DLL4: variants seen among roughly 807,000 people sequenced by gnomAD.
DLL4 encodes the protein delta like canonical Notch ligand 4, also known as delta-like protein 4.
A neutral mutation model predicts 73.6 loss-of-function variants in DLL4; 7 were observed. That is an observed-to-expected ratio of 0.10 (90% confidence interval 0.05 to 0.18). DLL4 has a LOEUF of 0.18. Among genes scored for constraint, DLL4 ranks in the 10% least tolerant of loss-of-function variants. DLL4 has a pLI of 1.00. For missense variants in DLL4, 614 were observed against 929.9 expected, an observed-to-expected ratio of 0.66 and a Z score of 4.42; for synonymous variants, 345 against 374.3, an observed-to-expected ratio of 0.92 and a Z score of 0.90.
chr15:40,930,758 G>A lies in DLL4; in HGVS notation c.394+76G>A. 2 of 1,470,634 alleles carry A rather than the reference G, an allele frequency of 1.4e-6. No homozygotes were observed. Among genetic ancestry groups the A allele is most frequent in the Non-Finnish European group, 1.9e-6 (2 of 1,064,674 alleles). The allele number at this position is 1,470,634 out of a possible 1,614,324, so 91.1% of individuals were successfully genotyped here. On this transcript the variant is annotated intron_variant, in intron 3 of 10. Transcript: ENST00000249749. This position sits in a 1 kb window ranked among gnomAD's most constrained non-coding sequence, Gnocchi z 5.7. Reference sequence around the variant, plus strand: ...AAGAGTTAATCTGTTCTAGGCGGGGGAAGTGCGGGCTTGGGGGTGGGAGGC... The same window carrying A: ...AAGAGTTAATCTGTTCTAGGCGGGGAAAGTGCGGGCTTGGGGGTGGGAGGC...
At chr15:40,937,218 C>T (rs1019611280) in intron 9 of DLL4, among the ~76,000 whole-genome samples, 200 bp from the exon 10 acceptor site, 2 of 152,188 alleles carry the variant, frequency 1.3e-5, no homozygotes, top group Non-Finnish European at 2.9e-5. Flanking sequence ...TCAGACCCTT[C>T]TGGTGAGGTT....
chr15:40,934,906 G>A lies in DLL4; in HGVS notation c.1029G>A (p.Glu343=), dbSNP rs759716115. The A allele has an allele frequency of 9.9e-6, 16 of 1,613,534 alleles. 1 individual carries two copies. The South Asian group carries it at 1.8e-4, about 18-fold the overall frequency. Residue 343 remains glutamate (E), a synonymous_variant, in exon 8 of 11, where the codon GAG becomes GAA. Coordinates refer to ENST00000249749, the MANE Select transcript of DLL4 (RefSeq NM_019074.4). ...CRNGGSCKDQ[E]DGYHCLCPPG... ...TTATGGTCTCTCTCCAGGACCAGGA[G>A]GATGGCTACCACTGCCTGTGTCCTC...
chr15:40,932,292 A>G (rs973302193), intron 5 of DLL4, 25 bp from the exon 6 acceptor site: 3 of 1,613,594 alleles, frequency 1.9e-6, no homozygotes, highest in African/African-American at 1.3e-5. Context: ...CTCTCACCTC[A>G]CTCTGCCTCT....
intron 10 of DLL4, 61 bp downstream of exon 10, chr15:40,937,587 C>T: frequency 1.6e-6 from 2 of 1,249,146 alleles, no homozygotes; most frequent in Admixed American, 1.7e-5. Flanking sequence ...CCTGGTCACT[C>T]TTGACCCATG....
intron 4 of DLL4, 85 bp from the exon 5 acceptor site, chr15:40,932,085 AG>A (rs1892778572): frequency 2.0e-6 from 3 of 1,477,694 alleles, no homozygotes; most frequent in Non-Finnish European, 2.8e-6. Flanking sequence ...CAGGAGAGCT[AG>A]GGGATCCCCA....
At chr15:40,934,754 A>G (rs926438195) in intron 7 of DLL4, 37 bp downstream of exon 7, 1 of 1,603,800 alleles carries the variant, frequency 6.2e-7, no homozygotes, top group East Asian at 2.2e-5. Flanking sequence ...CAGAGGTGTC[A>G]GGTGGTGTCT....
intron 6 of DLL4, 104 bp from the exon 7 acceptor site, chr15:40,934,444 G>T: frequency 8.7e-7 from 1 of 1,151,712 alleles, no homozygotes; most frequent in South Asian, 1.6e-5. Context: ...ACTTTGAGTT[G>T]AGGTGTCTTT....
intron 8 of DLL4, 136 bp from the exon 9 acceptor site, chr15:40,936,092 C>T (rs941337035): frequency 2.9e-6 from 2 of 699,316 alleles, no homozygotes; most frequent in Admixed American, 3.1e-5. Flanking sequence ...TCTCCTGACT[C>T]TGTGCAGTTC....
chr15:40,933,959 T>C (rs892222683), intron 6 of DLL4, among the ~76,000 whole-genome samples: 2 of 131,214 alleles, frequency 1.5e-5, no homozygotes, highest in Non-Finnish European at 3.0e-5. Context: ...GAGCTTGCAG[T>C]GAGCCGAGGT....
chr15:40,937,497 G>A lies in DLL4; in HGVS notation c.2023G>A (p.Glu675Lys), dbSNP rs758563359. ...MYQSVCLISE[E>K]RNECVIATEV is the part of the protein sequence containing the mutation. ...CCAGTCTGTGTGTTTGATATCAGAG[G>A]AGAGGAATGAATGTGTCATTGCCAC... The change falls in exon 10 of 11, where the codon GAG (glutamate) becomes AAG (lysine). Residue 675 changes from glutamate to lysine, a missense_variant. Physicochemically the swap from Glu to Lys is moderately conservative, Grantham distance 56 (BLOSUM62 1). This residue lies in a region of DLL4 where 386 missense variants were observed against 541.3 expected (regional missense o/e 0.71). Transcript: ENST00000249749. 1.2e-6 allele frequency: 2 copies of A among 1,613,386 alleles called. No individual in the cohort carries two copies. The highest frequency in any genetic ancestry group is 1.1e-5 in the South Asian group (1 of 91,070).
At chr15:40,934,337 AAAG>A (rs1199271192) in intron 6 of DLL4, among the ~76,000 whole-genome samples, 2 of 151,862 alleles carry the variant, frequency 1.3e-5, no homozygotes, top group Non-Finnish European at 2.9e-5. Context: ...AAAAAAAAAA[AAAG>A]AAGGAAAGAA....
rs572028305 is a variant in DLL4 at position 40,936,405 on chromosome 15, G to A, written c.1418G>A (p.Arg473Gln). ...ACCTGCCCTGCCGGCTTCTCTGGCC[G>A]ACGCTGTGAGGTGCGGACATCCATC... ...MCTCPAGFSG[R>Q]RCEVRTSIDA... Residue 473 changes from arginine to glutamine, a missense_variant, in exon 9 of 11, where the codon CGA becomes CAA. Physicochemically the swap from Arg to Gln is conservative, Grantham distance 43. Transcript: ENST00000249749. 5.8e-5 allele frequency: 94 copies of A among 1,611,662 alleles called. No individual in the cohort carries two copies. The South Asian group carries it at 9.3e-4, about 16-fold the overall frequency.
chr15:40,929,721 C>G lies in DLL4; in HGVS notation c.53C>G (p.Ala18Gly), dbSNP rs780643868. Reference protein sequence around the residue: ...ASGWALLLLVALWQQRAAGSG... With the variant: ...ASGWALLLLVGLWQQRAAGSG... ...GGCTGGGCGCTACTGCTGCTGGTGGCACTTTGGCAGCAGGTAACACGTCCC... is the reference window on the plus strand; with the variant it reads ...GGCTGGGCGCTACTGCTGCTGGTGGGACTTTGGCAGCAGGTAACACGTCCC... Residue 18 changes from alanine to glycine, a missense_variant, in exon 1 of 11, where the codon GCA becomes GGA. Around this residue, in one of 3 missense-constraint regions of DLL4, gnomAD observed 227 missense variants for 370.8 expected, o/e 0.61. Coordinates refer to ENST00000249749, the MANE Select transcript of DLL4 (RefSeq NM_019074.4). This position sits in a 1 kb window ranked among gnomAD's most constrained non-coding sequence, Gnocchi z 7.1. 6.3e-7 allele frequency: 1 copy of G among 1,598,350 alleles called. No individual in the cohort carries two copies. The highest frequency in any genetic ancestry group is 2.2e-5 in the East Asian group (1 of 44,748).
chr15:40,936,986 T>TGGCCTAAG, intron 9 of DLL4, 56 bp downstream of exon 9: 1 of 1,433,924 alleles, frequency 7.0e-7, no homozygotes, highest in Non-Finnish European at 9.3e-7. Flanking sequence ...TGGTTCTGCC[T>TGGCCTAAG]AGGCTCCTCT....
rs199881505 is a variant in DLL4, at chr15:40,934,623, C to T, written c.926C>T (p.Thr309Ile). ...TCCAACAGTGGGCAGCGAAGCTACA[C>T]CTGCACCTGTCGCCCAGGCTACACT... ...TCSNSGQRSY[T>I]CTCRPGYTGV... Residue 309 changes from threonine to isoleucine, a missense_variant, in exon 7 of 11, where the codon ACC (threonine) becomes ATC (isoleucine). By Grantham distance (89) the Thr-to-Ile change is moderately conservative. Around this residue, in one of 3 missense-constraint regions of DLL4, gnomAD observed 386 missense variants for 541.3 expected, o/e 0.71. Coordinates refer to ENST00000249749, the MANE Select transcript of DLL4 (RefSeq NM_019074.4). The T allele has an allele frequency of 8.7e-6, 14 of 1,613,818 alleles. No homozygotes were observed. Among genetic ancestry groups the T allele is most frequent in the Non-Finnish European group, 1.1e-5 (13 of 1,179,894 alleles).
chr15:40,938,340 G>T lies in DLL4; in HGVS notation c.*306G>T. ...TCAGGGGGCTCCTTCCGGGGCTCCG[G>T]CCTGTTTTCCAGAGAGAGTGGCAGT... On this transcript the variant is annotated 3_prime_UTR_variant, in exon 11 of 11. Transcript: ENST00000249749. 1 of 297,738 alleles carries T rather than the reference G, an allele frequency of 3.4e-6. No homozygotes were observed. Among genetic ancestry groups the T allele is most frequent in the East Asian group, 5.6e-5 (1 of 17,990 alleles). The allele number at this position is 297,738 out of a possible 1,614,324, so 18.4% of individuals were successfully genotyped here.
rs779940325 is a variant in DLL4 at position 40,929,858 on chromosome 15, C to T, written c.78C>T (p.Gly26=). The T allele has an allele frequency of 3.7e-6, 6 of 1,611,626 alleles. No homozygotes were observed. Among genetic ancestry groups the T allele is most frequent in the Non-Finnish European group, 5.1e-6 (6 of 1,179,544 alleles). Residue 26 remains glycine (G), a synonymous_variant, in exon 2 of 11, where the codon GGC becomes GGT. Transcript: ENST00000249749. This position sits in a 1 kb window ranked among gnomAD's most constrained non-coding sequence, Gnocchi z 7.1. ...TCCCTGTGCAATAGCGCGCGGCCGG[C>T]TCCGGCGTCTTCCAGCTGCAGCTGC... The part of the protein sequence containing the change: ...LVALWQQRAA[G]SGVFQLQLQE...
At position 40,932,304 on chromosome 15, in the gene DLL4, T is replaced by A. The variant is rs1415394373; in HGVS notation, c.720-13T>A. 6.2e-7 allele frequency: 1 copy of A among 1,614,024 alleles called. No homozygotes were observed. On this transcript the variant is annotated splice_polypyrimidine_tract_variant and intron_variant, in intron 5 of 10. Transcript: ENST00000249749. ...GGCCTCTCACCTCACTCTGCCTCTC[T>A]CTTGTTCCCCAGCTGCCGCCCAGGC...
intron 6 of DLL4, 129 bp downstream of exon 6, chr15:40,932,576 G>A (rs1227565448): frequency 1.6e-6 from 2 of 1,260,960 alleles, no homozygotes; most frequent in Admixed American, 4.4e-5. Context: ...ATCTTCCAAG[G>A]ATCTTGGGTC....
Sources: allele counts gnomAD v4.1 joint callset (sites outside exome capture counted in the v4.1 genomes callset), GRCh38; gene constraint gnomAD v4.1.1; regional missense constraint gnomAD v4.1.1; non-coding constraint Gnocchi (gnomAD v3.1); transcripts MANE v1.5; gene names NCBI Gene and HGNC (gene_info 2026-07-23, HGNC 2026-07-21).